CDK19: variants seen among roughly 807,000 people sequenced by gnomAD.
CDK19 encodes the protein cyclin dependent kinase 19.
CDK19 carries 20 observed loss-of-function variants against 68.3 expected under a neutral mutation model. That is an observed-to-expected ratio of 0.29 (90% CI 0.21 to 0.43). The LOEUF (loss-of-function observed/expected upper bound fraction) is 0.43. Among genes scored for constraint, CDK19 ranks in the 20% least tolerant of loss-of-function variants. The pLI is 1.00. For missense variants in CDK19, 339 were observed against 623.5 expected, an observed-to-expected ratio of 0.54 and a Z score of 4.86; for synonymous variants, 221 against 222.8, an observed-to-expected ratio of 0.99 and a Z score of 0.07.
intron 1 of CDK19, among the ~76,000 whole-genome samples, chr6:110,773,219 T>C (rs1407115054): frequency 6.6e-6 from 1 of 151,464 alleles, no homozygotes; most frequent in Non-Finnish European, 1.5e-5. Context: ...ATGGTGCGTG[T>C]CTGTAGTTCC....
intron 1 of CDK19, among the ~76,000 whole-genome samples, chr6:110,755,369 C>T (rs1778766779): frequency 6.6e-6 from 1 of 152,090 alleles, no homozygotes; most frequent in Non-Finnish European, 1.5e-5. Context: ...GAGAGACACA[C>T]AAGCAAAGGG....
Position 110,622,106 on chromosome 6 carries a change from A to G in CDK19, c.1092T>C (p.Pro364=). Residue 364 remains proline, a synonymous_variant, in exon 11 of 13, where the codon CCT becomes CCC. Coordinates refer to ENST00000368911, the MANE Select transcript of CDK19 (RefSeq NM_015076.5). The stretch of plus-strand genomic sequence containing the variant: ...TTTATACCTTGTCACCTTTTTCTTC[A>G]GGATCATCTTCATTAAGGAATTCTC... ...PKREFLNEDD[P]EEKGDKNQQQ... is the part of the protein sequence containing the mutation. 6.2e-7 allele frequency: 1 copy of G among 1,611,180 alleles called. No homozygotes were observed. The highest frequency in any genetic ancestry group is 8.5e-7 in the Non-Finnish European group (1 of 1,178,068).
intron 6 of CDK19, among the ~76,000 whole-genome samples, chr6:110,628,377 C>T (rs989614316): frequency 2.6e-5 from 4 of 152,220 alleles, no homozygotes; most frequent in African/African-American, 9.6e-5. Context: ...TACCTGCAGT[C>T]AACCACTGCA....
At chr6:110,667,892 A>G (rs966687309) in intron 3 of CDK19, among the ~76,000 whole-genome samples, 1 of 152,190 alleles carries the variant, frequency 6.6e-6, no homozygotes, top group Non-Finnish European at 1.5e-5. Flanking sequence ...TACTGACAGA[A>G]TGAAAGATTT....
chr6:110,693,094 G>A (rs920870266), intron 2 of CDK19, among the ~76,000 whole-genome samples: 8 of 152,058 alleles, frequency 5.3e-5, no homozygotes, highest in Non-Finnish European at 7.4e-5. Flanking sequence ...AAAATCTGAC[G>A]GATAGGAGAC....
chr6:110,789,407 T>G (rs545304606), intron 1 of CDK19, among the ~76,000 whole-genome samples: 18 of 152,286 alleles, frequency 1.2e-4, no homozygotes, highest in South Asian at 8.3e-4. Context: ...GCCTCCCAGA[T>G]AGCTGGGACT....
chr6:110,778,576 C>CTACTACCCAA (rs1452785362), intron 1 of CDK19, among the ~76,000 whole-genome samples: 1 of 152,170 alleles, frequency 6.6e-6, no homozygotes, highest in Non-Finnish European at 1.5e-5. Context: ...AGCAATCACA[C>CTACTACCCAA]GTATTACTAC....
At chr6:110,680,556 GAAC>G (rs1771920944) in intron 2 of CDK19, among the ~76,000 whole-genome samples, 3 of 151,998 alleles carry the variant, frequency 2.0e-5, no homozygotes, top group South Asian at 2.1e-4. Context: ...AGAAACAAAT[GAAC>G]AACAACAGTA....
chr6:110,761,070 A>C (rs1779196000), intron 1 of CDK19, among the ~76,000 whole-genome samples: 1 of 152,120 alleles, frequency 6.6e-6, no homozygotes, highest in African/African-American at 2.4e-5. Context: ...GAAGCAGAAC[A>C]AGTAGGAACA....
chr6:110,759,529 G>A (rs565144849), intron 1 of CDK19, among the ~76,000 whole-genome samples: 39 of 148,706 alleles, frequency 2.6e-4, no homozygotes, highest in Non-Finnish European at 5.3e-4. Context: ...CTTGATCCTG[G>A]GAGTTCGAAG....
At chr6:110,690,171 C>G (rs573178666) in intron 2 of CDK19, among the ~76,000 whole-genome samples, 2 of 152,144 alleles carry the variant, frequency 1.3e-5, no homozygotes, top group Non-Finnish European at 2.9e-5. Context: ...TATGTGTGCA[C>G]CTATAGACAG....
intron 1 of CDK19, among the ~76,000 whole-genome samples, chr6:110,792,495 C>A (rs1185864348): frequency 2.6e-5 from 4 of 152,040 alleles, no homozygotes; most frequent in Non-Finnish European, 5.9e-5. Flanking sequence ...GCAACCTCCG[C>A]CTCTCAGGTT....
intron 2 of CDK19, among the ~76,000 whole-genome samples, chr6:110,732,854 G>A (rs1377554399): frequency 6.6e-6 from 1 of 152,036 alleles, no homozygotes; most frequent in Non-Finnish European, 1.5e-5. Context: ...ATCACTTGAG[G>A]TCAGGAGTTT....
At chr6:110,768,513 AAAC>A (rs1779744232) in intron 1 of CDK19, among the ~76,000 whole-genome samples, 5 of 152,250 alleles carry the variant, frequency 3.3e-5, no homozygotes, top group Admixed American at 3.3e-4. Context: ...GTGAATGGAT[AAAC>A]TTGATATGTC....
intron 2 of CDK19, among the ~76,000 whole-genome samples, chr6:110,727,332 G>C (rs1654190427): frequency 6.6e-6 from 1 of 151,636 alleles, no homozygotes; most frequent in Non-Finnish European, 1.5e-5. Flanking sequence ...ATCCTTTAAA[G>C]CCCATCTTAA....
chr6:110,738,492 C>T (rs1233669699), intron 2 of CDK19, among the ~76,000 whole-genome samples: 1 of 152,060 alleles, frequency 6.6e-6, no homozygotes, highest in Non-Finnish European at 1.5e-5. Context: ...TGCACTCCAG[C>T]CTGGGTGACA....
chr6:110,775,878 T>C lies in CDK19; in HGVS notation c.129-29677A>G, dbSNP rs139604065. The stretch of plus-strand genomic sequence containing the variant: ...AAGGAAAAAACAGTATTTTAAAACA[T>C]TGGCCCTGAAGCCAGGTGACTTGAG... On this transcript the variant is annotated intron_variant, in intron 1 of 12. Coordinates refer to ENST00000368911, the MANE Select transcript of CDK19 (RefSeq NM_015076.5). Among the ~76,000 whole-genome samples, 30 of 152,346 alleles carry C rather than the reference T, an allele frequency of 2.0e-4. No individual in the cohort carries two copies. In the East Asian group the frequency reaches 3.1e-3, roughly 16 times the overall value.
intron 2 of CDK19, among the ~76,000 whole-genome samples, chr6:110,742,014 T>C (rs1251879309): frequency 4.6e-5 from 7 of 152,110 alleles, no homozygotes; most frequent in Non-Finnish European, 1.5e-5. Flanking sequence ...AATAATGACA[T>C]AGGTAAAGAG....
chr6:110,701,988 A>C (rs1774045168), intron 2 of CDK19, among the ~76,000 whole-genome samples: 1 of 151,978 alleles, frequency 6.6e-6, no homozygotes, highest in Non-Finnish European at 1.5e-5. Context: ...TAAAAATACA[A>C]AAAGTAGCCA....
Sources: gnomAD v4.1 joint callset for allele counts (sites outside exome capture counted in the v4.1 genomes callset) on GRCh38, gnomAD v4.1.1 for gene constraint, MANE v1.5 for transcripts, NCBI Gene and HGNC (gene_info 2026-07-23, HGNC 2026-07-21) for gene names.